The following PTPRD variants were observed in gnomAD, a reference collection of about 807,000 sequenced individuals.
PTPRD encodes the protein protein tyrosine phosphatase receptor type D.
In PTPRD, 34 loss-of-function variants were observed where a neutral mutation model predicts 214.5. That is an observed-to-expected ratio of 0.16 (90% CI 0.12 to 0.21). The LOEUF (loss-of-function observed/expected upper bound fraction) is 0.21. Among genes scored for constraint, PTPRD ranks in the 10% least tolerant of loss-of-function variants. PTPRD has a pLI of 1.00. For missense variants in PTPRD, 2,545 were observed against 2,398.7 expected (o/e 1.06, Z -1.27); for synonymous variants, 1,128 against 845.7 (o/e 1.33, Z -5.79).
chr9:9,042,149 C>T (rs1327388757), intron 10 of PTPRD, among the ~76,000 whole-genome samples: 4 of 152,162 alleles, frequency 2.6e-5, no homozygotes, highest in African/African-American at 9.7e-5. Flanking sequence ...TATTCTTATA[C>T]ACTGGTTTTA....
At chr9:8,487,188 G>T (rs1213890999) in intron 27 of PTPRD, among the ~76,000 whole-genome samples, 1 of 152,050 alleles carries the variant, frequency 6.6e-6, no homozygotes, top group Admixed American at 6.5e-5. Context: ...ATGAGGTTCT[G>T]CATTCTATCA....
At chr9:9,370,867 A>T (rs1364375555) in intron 9 of PTPRD, among the ~76,000 whole-genome samples, 1 of 152,142 alleles carries the variant, frequency 6.6e-6, no homozygotes, top group African/African-American at 2.4e-5. Context: ...CTATTGAGAT[A>T]ATCATGTGGT....
intron 5 of PTPRD, among the ~76,000 whole-genome samples, chr9:9,900,644 T>TGGTTTTTTTTTTTTTG (rs1555302326): frequency 8.0e-4 from 115 of 143,924 alleles, no homozygotes; most frequent in African/African-American, 3.2e-3. Context: ...TTTTCAGGTT[T>TGGTTTTTTTTTTTTTG]TTTTTTTTTT....
At chr9:9,818,881 A>T (rs910598532) in intron 5 of PTPRD, among the ~76,000 whole-genome samples, 1 of 139,020 alleles carries the variant, frequency 7.2e-6, no homozygotes, top group Non-Finnish European at 1.5e-5. Flanking sequence ...GTGGCACTGC[A>T]CTCCAGCCTG....
chr9:9,630,354 C>G (rs1487793395), intron 7 of PTPRD, among the ~76,000 whole-genome samples: 1 of 152,092 alleles, frequency 6.6e-6, no homozygotes, highest in Non-Finnish European at 1.5e-5. Context: ...CCTGATTTCC[C>G]CTCTCATTAA....
chr9:10,508,202 T>A (rs1387078536), intron 2 of PTPRD, among the ~76,000 whole-genome samples: 1 of 152,140 alleles, frequency 6.6e-6, no homozygotes, highest in African/African-American at 2.4e-5. Context: ...AAAATGCTCA[T>A]CAGCACTGGC....
intron 5 of PTPRD, among the ~76,000 whole-genome samples, chr9:9,821,683 G>A (rs865948024): frequency 2.6e-5 from 4 of 151,844 alleles, no homozygotes; most frequent in African/African-American, 7.2e-5. Flanking sequence ...ATTATTAAAT[G>A]TAGCATTATC....
intron 9 of PTPRD, among the ~76,000 whole-genome samples, chr9:9,369,563 C>T (rs1183110044): frequency 6.6e-6 from 1 of 152,042 alleles, no homozygotes. Context: ...TGTAGGTTGC[C>T]TGTTCACTCT....
chr9:9,543,632 G>A (rs2078103313), intron 8 of PTPRD, among the ~76,000 whole-genome samples: 1 of 151,458 alleles, frequency 6.6e-6, no homozygotes, highest in African/African-American at 2.4e-5. Context: ...GCAAATCTCA[G>A]AGCCCATTTT....
intron 12 of PTPRD, among the ~76,000 whole-genome samples, chr9:8,656,124 C>T (rs1226311706): frequency 6.6e-6 from 1 of 152,010 alleles, no homozygotes; most frequent in African/African-American, 2.4e-5. Context: ...GCCCAACAGC[C>T]CCCCACAACT....
chr9:9,229,447 A>G (rs1473930360), intron 9 of PTPRD, among the ~76,000 whole-genome samples: 1 of 152,084 alleles, frequency 6.6e-6, no homozygotes, highest in East Asian at 1.9e-4. Flanking sequence ...GTGATGAATA[A>G]TCTGTAATCC....
intron 11 of PTPRD, among the ~76,000 whole-genome samples, chr9:8,838,586 G>T (rs2097489184): frequency 6.6e-6 from 1 of 151,760 alleles, no homozygotes; most frequent in South Asian, 2.1e-4. Flanking sequence ...ACAACTTATT[G>T]ATTAAATAAC....
chr9:9,540,466 G>C (rs1054638985), intron 8 of PTPRD, among the ~76,000 whole-genome samples: 9 of 151,704 alleles, frequency 5.9e-5, no homozygotes, highest in African/African-American at 2.2e-4. Context: ...GTCTATGATG[G>C]AGAAAGCACT....
At chr9:10,260,991 T>C (rs1241855479) in intron 3 of PTPRD, among the ~76,000 whole-genome samples, 1 of 139,826 alleles carries the variant, frequency 7.2e-6, no homozygotes, top group Non-Finnish European at 1.5e-5. Flanking sequence ...TATATATGTA[T>C]ATATATGTGT....
intron 9 of PTPRD, among the ~76,000 whole-genome samples, chr9:9,254,676 G>A (rs1195627703): frequency 6.6e-6 from 1 of 152,056 alleles, no homozygotes; most frequent in Non-Finnish European, 1.5e-5. Context: ...AGCCTTAGAA[G>A]TGATTTAGGA....
intron 11 of PTPRD, among the ~76,000 whole-genome samples, chr9:8,937,268 A>G (rs1281653420): frequency 1.3e-5 from 2 of 152,216 alleles, no homozygotes; most frequent in East Asian, 3.8e-4. Context: ...CAGGAATCAA[A>G]GAACGTGCAT....
chr9:9,738,697 C>T (rs1315078409), intron 6 of PTPRD, among the ~76,000 whole-genome samples: 3 of 151,878 alleles, frequency 2.0e-5, no homozygotes, highest in Non-Finnish European at 4.4e-5. Flanking sequence ...CTGCCTCGGC[C>T]TCCCAAAGTG....
chr9:9,249,229 T>C (rs1464310087), intron 9 of PTPRD, among the ~76,000 whole-genome samples: 2 of 151,926 alleles, frequency 1.3e-5, no homozygotes, highest in African/African-American at 4.8e-5. Flanking sequence ...TTGTTTCCTT[T>C]CTCCTCGTGA....
chr9:8,499,755 A>G lies in PTPRD; in HGVS notation c.2214T>C (p.Asn738=). The G allele has an allele frequency of 1.2e-6, 2 of 1,614,136 alleles. No homozygotes were observed. The highest frequency in any genetic ancestry group is 1.1e-5 in the South Asian group (1 of 91,078). Reference sequence around the variant, plus strand: ...ATCCTCTTATCTGGCCATGCTGTTTATTGGGCACGGGTGAGCGCCATGAGA... The same window carrying G: ...ATCCTCTTATCTGGCCATGCTGTTTGTTGGGCACGGGTGAGCGCCATGAGA... ...VKVSWRSPVP[N]KQHGQIRGYQ... is the part of the protein sequence containing the mutation. The change falls in exon 25 of 46, where the codon AAT becomes AAC. Residue 738 remains asparagine (N), a synonymous_variant. Coordinates refer to ENST00000381196, the MANE Select transcript of PTPRD (RefSeq NM_002839.4).
Sources: gnomAD v4.1 joint callset for allele counts (sites outside exome capture counted in the v4.1 genomes callset) on GRCh38, gnomAD v4.1.1 for gene constraint, MANE v1.5 for transcripts, NCBI Gene and HGNC (gene_info 2026-07-23, HGNC 2026-07-21) for gene names.